Variants in CADM2 observed in about 807,000 individuals in gnomAD.
The protein encoded by CADM2 is immunoglobulin superfamily member 4D.
In CADM2, 12 loss-of-function variants were observed where a neutral mutation model predicts 49.8. The ratio of observed to expected loss-of-function variants is 0.24; its 90% CI spans 0.15 to 0.39. CADM2 has a LOEUF of 0.39. Among genes scored for constraint, CADM2 ranks in the 10% least tolerant of loss-of-function variants. The probability of loss-of-function intolerance (pLI) is 1.00; values close to 1 mark genes in which losing one functional copy is unlikely to be tolerated. For missense variants in CADM2, 378 were observed against 492.3 expected, an observed-to-expected ratio of 0.77 and a Z score of 2.20; for synonymous variants, 214 against 175.4, an observed-to-expected ratio of 1.22 and a Z score of -1.74.
chr3:86,037,813 G>A (rs1386429786), intron 8 of CADM2, among the ~76,000 whole-genome samples: 1 of 152,124 alleles, frequency 6.6e-6, no homozygotes, highest in Non-Finnish European at 1.5e-5. Flanking sequence ...GTTCTGTTAA[G>A]TTGTGGATTT....
intron 1 of CADM2, among the ~76,000 whole-genome samples, chr3:85,256,816 A>G (rs1326778297): frequency 6.6e-6 from 1 of 152,130 alleles, no homozygotes; most frequent in Non-Finnish European, 1.5e-5. Context: ...ACCACAATGT[A>G]CAAACAGTTA....
intron 1 of CADM2, among the ~76,000 whole-genome samples, chr3:85,030,811 G>A (rs1325288832): frequency 2.6e-5 from 4 of 152,022 alleles, no homozygotes; most frequent in South Asian, 2.1e-4. Flanking sequence ...AACTCTTTCC[G>A]TCTCTCCCCT....
intron 8 of CADM2, among the ~76,000 whole-genome samples, chr3:86,049,419 C>A (rs1737074762): frequency 6.6e-6 from 1 of 151,750 alleles, no homozygotes; most frequent in Non-Finnish European, 1.5e-5. Context: ...GGACTACAGG[C>A]ACCCGCCACC....
chr3:85,974,800 T>C (rs1726570259), intron 8 of CADM2, among the ~76,000 whole-genome samples: 1 of 151,704 alleles, frequency 6.6e-6, no homozygotes, highest in African/African-American at 2.4e-5. Flanking sequence ...ATGAAATTGT[T>C]CTATTGACTT....
intron 1 of CADM2, among the ~76,000 whole-genome samples, chr3:85,210,615 C>T (rs1268336623): frequency 1.3e-5 from 2 of 152,058 alleles, no homozygotes; most frequent in East Asian, 1.9e-4. Flanking sequence ...AATCATGGCT[C>T]ACTGCATCTT....
At chr3:85,483,760 T>C (rs1174922582) in intron 1 of CADM2, among the ~76,000 whole-genome samples, 1 of 151,026 alleles carries the variant, frequency 6.6e-6, no homozygotes, top group African/African-American at 2.4e-5. Flanking sequence ...GAATAAGGAG[T>C]AATATATTAT....
intron 1 of CADM2, among the ~76,000 whole-genome samples, chr3:85,445,153 A>G (rs1301478405): frequency 3.9e-5 from 6 of 152,134 alleles, no homozygotes; most frequent in East Asian, 1.9e-4. Context: ...AACTTAGGGA[A>G]TTTCAATGAT....
At chr3:85,081,895 T>C (rs1434237191) in intron 1 of CADM2, among the ~76,000 whole-genome samples, 2 of 152,144 alleles carry the variant, frequency 1.3e-5, no homozygotes, top group Admixed American at 1.3e-4. Context: ...AATAATTCAG[T>C]TCCCAAGTAT....
intron 1 of CADM2, among the ~76,000 whole-genome samples, chr3:85,218,263 T>C (rs571386398): frequency 2.0e-5 from 3 of 152,188 alleles, no homozygotes; most frequent in East Asian, 1.9e-4. Context: ...ATTAGAACAA[T>C]GTAAAAGTAA....
chr3:85,739,979 G>T (rs940568523), intron 2 of CADM2, among the ~76,000 whole-genome samples: 2 of 152,036 alleles, frequency 1.3e-5, no homozygotes, highest in East Asian at 3.9e-4. Flanking sequence ...TCTTATTCTC[G>T]CAACTGGATT....
intron 1 of CADM2, among the ~76,000 whole-genome samples, chr3:85,393,640 A>C (rs1367112258): frequency 6.6e-6 from 1 of 152,182 alleles, no homozygotes; most frequent in Non-Finnish European, 1.5e-5. Context: ...TTATTGATAC[A>C]GAACAGAAAA....
At position 85,018,332 on chromosome 3, in the gene CADM2, A is replaced by G. The variant is rs148194487; in HGVS notation, c.61+58664A>G. ...AGGAAATGATACTACTTGCCTGTTAAGGATACTACATGCCTGTTGAGGCTT... is the reference window on the plus strand; with the variant it reads ...AGGAAATGATACTACTTGCCTGTTAGGGATACTACATGCCTGTTGAGGCTT... On this transcript the variant is annotated intron_variant, in intron 1 of 9. Transcript: ENST00000383699. Among the ~76,000 whole-genome samples, 4 of 152,300 alleles carry G rather than the reference A, an allele frequency of 2.6e-5. No homozygotes were observed. In the East Asian group the frequency reaches 7.7e-4, roughly 29 times the overall value.
At chr3:85,852,723 ACT>A (rs1241717658) in intron 3 of CADM2, among the ~76,000 whole-genome samples, 1 of 152,042 alleles carries the variant, frequency 6.6e-6, no homozygotes, top group Non-Finnish European at 1.5e-5. Flanking sequence ...GTATTTTGCA[ACT>A]CTTTTTAGCT....
intron 1 of CADM2, among the ~76,000 whole-genome samples, chr3:84,988,711 G>T (rs534751927): frequency 1.3e-5 from 2 of 151,738 alleles, no homozygotes; most frequent in African/African-American, 2.4e-5. Context: ...TGATCATCTG[G>T]TTCCTATTAT....
At chr3:85,034,790 C>CTTTTTTTTTTTTTTTTTTTTTTTTTTTTT (rs1179967499) in intron 1 of CADM2, among the ~76,000 whole-genome samples, 4 of 84,060 alleles carry the variant, frequency 4.8e-5, no homozygotes, top group African/African-American at 2.2e-4. Flanking sequence ...AGACATTTTG[C>CTTTTTTTTTTTTTTTTTTTTTTTTTTTTT]TTTTTTTTTT....
In CADM2 at chr3:84,984,006, A is replaced by G. The variant is rs142213197; in HGVS notation, c.61+24338A>G. On this transcript the variant is annotated intron_variant, in intron 1 of 9. Transcript: ENST00000383699. ...ATTTTAAATCACTTTCAGACTTTCTATTTTCACAAATGGCTTCTTCATTGT... is the reference window on the plus strand; with the variant it reads ...ATTTTAAATCACTTTCAGACTTTCTGTTTTCACAAATGGCTTCTTCATTGT... Among the ~76,000 whole-genome samples, 875 of 150,580 alleles carry G rather than the reference A, an allele frequency of 5.8e-3. 10 individuals are homozygous for G. The highest frequency in any genetic ancestry group is 0.02 in the African/African-American group (821 of 40,824).
intron 1 of CADM2, among the ~76,000 whole-genome samples, chr3:85,146,948 G>A (rs2039762793): frequency 6.6e-6 from 1 of 151,320 alleles, no homozygotes; most frequent in African/African-American, 2.4e-5. Context: ...GATTAAGGGG[G>A]GAAAAAAAAA....
intron 1 of CADM2, among the ~76,000 whole-genome samples, chr3:85,387,739 G>A (rs1480182604): frequency 6.6e-6 from 1 of 152,014 alleles, no homozygotes; most frequent in Non-Finnish European, 1.5e-5. Context: ...TATTCTAAAT[G>A]ATTACATAAT....
chr3:85,656,088 G>A (rs1310138597), intron 1 of CADM2, among the ~76,000 whole-genome samples: 1 of 151,826 alleles, frequency 6.6e-6, no homozygotes, highest in Non-Finnish European at 1.5e-5. Flanking sequence ...TTCCTACAGT[G>A]GAGTGAATGA....
Sources: gnomAD v4.1 joint callset for allele counts (sites outside exome capture counted in the v4.1 genomes callset) on GRCh38, gnomAD v4.1.1 for gene constraint, MANE v1.5 for transcripts, NCBI Gene and HGNC (gene_info 2026-07-23, HGNC 2026-07-21) for gene names.